FNDC3A: variants seen among roughly 807,000 people sequenced by gnomAD.
The protein encoded by FNDC3A is fibronectin type III domain containing 3A.
In FNDC3A, 32 loss-of-function variants were observed where a neutral mutation model predicts 148.9. The ratio of observed to expected loss-of-function variants is 0.21; its 90% confidence interval spans 0.16 to 0.29. FNDC3A has a LOEUF of 0.29. Among genes scored for constraint, FNDC3A ranks in the 10% least tolerant of loss-of-function variants. The probability of loss-of-function intolerance (pLI) is 1.00; values close to 1 mark genes in which losing one functional copy is unlikely to be tolerated. For missense variants in FNDC3A, 1,191 were observed against 1,452.8 expected (o/e 0.82, Z 2.93); for synonymous variants, 472 against 473.6 (o/e 1.00, Z 0.04).
chr13:49,187,328 T>A (rs557444328), intron 16 of FNDC3A, 138 bp downstream of exon 16: 1 of 883,850 alleles, frequency 1.1e-6, no homozygotes, highest in Non-Finnish European at 1.8e-6. Flanking sequence ...TTCACTTCAC[T>A]TTGGGTTGTC....
chr13:49,184,417 A>G (rs750964388), intron 14 of FNDC3A, among the ~76,000 whole-genome samples: 68 of 152,180 alleles, frequency 4.5e-4, no homozygotes, highest in Non-Finnish European at 6.8e-4. Flanking sequence ...AGGAGAAAGG[A>G]GGCTTTCATT....
intron 16 of FNDC3A, chr13:49,187,731 T>C (rs1593727051): frequency 9.0e-7 from 1 of 1,107,304 alleles, no homozygotes; most frequent in Non-Finnish European, 1.3e-6. Context: ...TGGCGGCACC[T>C]CACCAAGACC....
rs148929338 is a variant in FNDC3A, at chr13:49,043,806, C to T, written c.100-31483C>T. Among the ~76,000 whole-genome samples, 371 of 152,186 alleles carry T rather than the reference C, an allele frequency of 2.4e-3. 2 individuals are homozygous for T. The highest frequency in any genetic ancestry group is 8.5e-3 in the African/African-American group (353 of 41,524). ...ATTTTCTAATATTCAGCATAATGAT[C>T]AAGCATACTTCATATACATTGACCC... On this transcript the variant is annotated intron_variant, in intron 2 of 25. Coordinates refer to ENST00000492622, the MANE Select transcript of FNDC3A (RefSeq NM_001079673.2).
chr13:49,159,785 C>T (rs1024072208), intron 8 of FNDC3A, among the ~76,000 whole-genome samples: 3 of 152,138 alleles, frequency 2.0e-5, no homozygotes, highest in Middle Eastern at 3.2e-3. Context: ...TTTTGAGAGA[C>T]GTCCCATCAA....
chr13:49,099,082 T>C (rs527928971), intron 3 of FNDC3A, among the ~76,000 whole-genome samples: 4 of 152,316 alleles, frequency 2.6e-5, no homozygotes, highest in African/African-American at 9.6e-5. Flanking sequence ...TATCCCAATT[T>C]GTCTAAGACA....
intron 14 of FNDC3A, among the ~76,000 whole-genome samples, chr13:49,182,600 G>A (rs1298874505): frequency 6.6e-6 from 1 of 151,390 alleles, no homozygotes; most frequent in Non-Finnish European, 1.5e-5. Flanking sequence ...TAAAGGTCAA[G>A]TTATCTTGAG....
intron 24 of FNDC3A, among the ~76,000 whole-genome samples, chr13:49,202,935 C>G (rs1886488162): frequency 6.6e-6 from 1 of 152,196 alleles, no homozygotes; most frequent in Non-Finnish European, 1.5e-5. Flanking sequence ...GATCGCACCA[C>G]TGTTGTCCAG....
chr13:49,130,559 AGGATAAATATCT>A (rs540532839), intron 4 of FNDC3A, among the ~76,000 whole-genome samples: 123 of 152,298 alleles, frequency 8.1e-4, no homozygotes, highest in African/African-American at 2.8e-3. Flanking sequence ...CATAACACAT[AGGATAAATATCT>A]AGTATCATAA....
chr13:49,195,446 G>A (rs904064659), intron 19 of FNDC3A, among the ~76,000 whole-genome samples: 1 of 152,028 alleles, frequency 6.6e-6, no homozygotes, highest in African/African-American at 2.4e-5. Context: ...GAATAAGTAT[G>A]GTCAAGGAGT....
intron 3 of FNDC3A, among the ~76,000 whole-genome samples, chr13:49,097,909 C>G (rs1879633460): frequency 6.6e-6 from 1 of 151,958 alleles, no homozygotes; most frequent in African/African-American, 2.4e-5. Context: ...ATTGTAAGGC[C>G]ATAGTGTAGT....
chr13:49,027,835 A>C (rs1168396209), intron 2 of FNDC3A, among the ~76,000 whole-genome samples: 1 of 152,230 alleles, frequency 6.6e-6, no homozygotes, highest in Non-Finnish European at 1.5e-5. Flanking sequence ...AAAATAGCAA[A>C]CTGATAAGGC....
chr13:49,027,040 A>G (rs1363248008), intron 2 of FNDC3A, among the ~76,000 whole-genome samples: 2 of 152,124 alleles, frequency 1.3e-5, no homozygotes, highest in Non-Finnish European at 2.9e-5. Context: ...AGAAAGAATG[A>G]GTATGATGAA....
rs1392465739 is a variant in FNDC3A at position 49,047,530 on chromosome 13, C to G, written c.100-27759C>G. On this transcript the variant is annotated intron_variant, in intron 2 of 25. Transcript: ENST00000492622. ...GGTATTGCATTGTGGTTTTAATTCG[C>G]ATTTCTCTGATCATTAGTGATGTTG... Among the ~76,000 whole-genome samples the G allele has an allele frequency of 2.0e-5, 3 of 152,158 alleles. No homozygotes were observed. In the East Asian group the frequency reaches 5.8e-4, roughly 29 times the overall value.
At chr13:49,196,162 G>A (rs1414356920) in intron 19 of FNDC3A, among the ~76,000 whole-genome samples, 2 of 150,588 alleles carry the variant, frequency 1.3e-5, no homozygotes, top group African/African-American at 4.9e-5. Context: ...ATACAGTGCA[G>A]TAACAAGTAG....
At chr13:49,127,852 A>G (rs1432732336) in intron 4 of FNDC3A, among the ~76,000 whole-genome samples, 1 of 151,880 alleles carries the variant, frequency 6.6e-6, no homozygotes, top group Non-Finnish European at 1.5e-5. Flanking sequence ...CCCACATGGA[A>G]TCATCAGCTA....
At chr13:49,045,733 C>A in intron 2 of FNDC3A, 1 of 962,224 alleles carries the variant, frequency 1.0e-6, no homozygotes, top group Admixed American at 2.7e-5. Context: ...AAAACCCTGT[C>A]AGGATGTTTT....
intron 8 of FNDC3A, among the ~76,000 whole-genome samples, chr13:49,148,472 CT>C (rs1169857921): frequency 6.6e-6 from 1 of 152,142 alleles, no homozygotes; most frequent in Non-Finnish European, 1.5e-5. Flanking sequence ...GAAGGGTATC[CT>C]TTCCCCAGTG....
chr13:49,083,460 A>G lies in FNDC3A; in HGVS notation c.175+8096A>G, dbSNP rs572146076. Among the ~76,000 whole-genome samples the G allele has an allele frequency of 3.9e-5, 6 of 152,304 alleles. No homozygotes were observed. In the South Asian group the frequency reaches 1.2e-3, roughly 32 times the overall value. On this transcript the variant is annotated intron_variant, in intron 3 of 25. Transcript: ENST00000492622. ...AAAAATAGAAATGCAAGTTCAAAAC[A>G]GATGGTGGTGTATGCTGGTTAGACG...
chr13:49,077,212 G>A lies in FNDC3A; in HGVS notation c.175+1848G>A, dbSNP rs189755229. On this transcript the variant is annotated intron_variant, in intron 3 of 25. Transcript: ENST00000492622. ...TGCTTGAGCCCAAAAATTTGAGGCT[G>A]CAGTGAGCTATGGTCATACCAGTGC... is the stretch of plus-strand genomic sequence containing the variant. 3.9e-4 allele frequency among the ~76,000 whole-genome samples: 60 copies of A among 152,342 alleles called. No homozygotes were observed. The East Asian group carries it at 0.011, about 27-fold the overall frequency.
Sources: allele counts gnomAD v4.1 joint callset (sites outside exome capture counted in the v4.1 genomes callset), GRCh38; gene constraint gnomAD v4.1.1; transcripts MANE v1.5; gene names NCBI Gene and HGNC (gene_info 2026-07-23, HGNC 2026-07-21).